CATSPERE: variants seen among roughly 807,000 people sequenced by gnomAD.
CATSPERE encodes the protein cation channel sperm-associated auxiliary subunit epsilon.
In CATSPERE, 93 loss-of-function variants were observed where a neutral mutation model predicts 114.1. The observed-to-expected ratio is 0.81, with a 90% CI of 0.69 to 0.97. The LOEUF is 0.97. CATSPERE is among the 50% of genes least tolerant of loss of function. The probability of loss-of-function intolerance (pLI) is 0.00; values close to 1 mark genes in which losing one functional copy is unlikely to be tolerated. For missense variants in CATSPERE, 1,058 were observed against 1,131.6 expected, an observed-to-expected ratio of 0.93 and a Z score of 0.93; for synonymous variants, 341 against 384.1, an observed-to-expected ratio of 0.89 and a Z score of 1.31.
intron 20 of CATSPERE, among the ~76,000 whole-genome samples, chr1:244,625,106 A>G (rs1439372714): frequency 6.6e-6 from 1 of 151,972 alleles, no homozygotes; most frequent in Non-Finnish European, 1.5e-5. Context: ...AATACTTTCC[A>G]GGTTTTCAAT....
chr1:244,551,485 G>T (rs777618508), intron 8 of CATSPERE, among the ~76,000 whole-genome samples: 1 of 152,092 alleles, frequency 6.6e-6, no homozygotes, highest in Non-Finnish European at 1.5e-5. Flanking sequence ...TAGTAGAACT[G>T]GTTCAATAGT....
At chr1:244,455,504 GTT>G (rs77959110) in intron 1 of CATSPERE, among the ~76,000 whole-genome samples, 8 of 138,954 alleles carry the variant, frequency 5.8e-5, no homozygotes, top group Non-Finnish European at 6.3e-5. Flanking sequence ...ATTTTTAAGG[GTT>G]TTTTTTTTTT....
intron 4 of CATSPERE, among the ~76,000 whole-genome samples, chr1:244,479,173 A>C (rs1572293387): frequency 6.6e-6 from 1 of 151,170 alleles, no homozygotes; most frequent in East Asian, 2.0e-4. Flanking sequence ...GGCTCACCGC[A>C]TCCTCCGCCT....
At chr1:244,451,519 G>A, upstream of CATSPERE, 1 of 1,158,638 alleles carries the variant, frequency 8.6e-7, no homozygotes, top group Non-Finnish European at 1.2e-6. This position sits in a 1 kb window ranked among gnomAD's most constrained non-coding sequence, Gnocchi z 6.6. Context: ...GAGCCTCAAG[G>A]TGACACCTCA....
At chr1:244,520,284 T>G (rs1376341612) in intron 8 of CATSPERE, among the ~76,000 whole-genome samples, 1 of 152,148 alleles carries the variant, frequency 6.6e-6, no homozygotes, top group Non-Finnish European at 1.5e-5. Flanking sequence ...CTACTTTGAG[T>G]TTATATTTGG....
chr1:244,587,747 G>A (rs1344393860), intron 13 of CATSPERE, among the ~76,000 whole-genome samples: 10 of 152,202 alleles, frequency 6.6e-5, no homozygotes, highest in African/African-American at 1.9e-4. Flanking sequence ...GCTATTTCAC[G>A]TGATGCTCAG....
chr1:244,518,533 A>T (rs956122247), intron 7 of CATSPERE, 59 bp from the exon 8 acceptor site: 2 of 1,011,858 alleles, frequency 2.0e-6, no homozygotes, highest in Non-Finnish European at 3.1e-6. Flanking sequence ...TCCTGATGTC[A>T]CATCAAAATA....
chr1:244,635,488 G>A lies in CATSPERE; in HGVS notation c.2649-1G>A. The stretch of plus-strand genomic sequence containing the variant: ...TTTCATATTATTTTTCTGCTTTGCA[G>A]TTTCTGTAACCTAACAGCTATGTTT... On this transcript the variant is annotated splice_acceptor_variant, in intron 20 of 21. Transcript: ENST00000366534. LOFTEE classifies it high-confidence loss of function. 1 of 1,610,098 alleles carries A rather than the reference G, an allele frequency of 6.2e-7. No individual in the cohort carries two copies. The highest frequency in any genetic ancestry group is 8.5e-7 in the Non-Finnish European group (1 of 1,176,550).
chr1:244,526,214 A>G (rs979548643), intron 8 of CATSPERE, among the ~76,000 whole-genome samples: 1 of 152,172 alleles, frequency 6.6e-6, no homozygotes, highest in Non-Finnish European at 1.5e-5. Flanking sequence ...TAAGACCAGC[A>G]TGGGCAATAT....
intron 15 of CATSPERE, among the ~76,000 whole-genome samples, chr1:244,592,407 A>G (rs1227926448): frequency 1.3e-5 from 2 of 152,156 alleles, no homozygotes; most frequent in African/African-American, 4.8e-5. Context: ...TTTGTAAGAT[A>G]AAGATCTTCA....
chr1:244,639,311 C>T (rs931680717), intron 21 of CATSPERE, among the ~76,000 whole-genome samples: 2 of 152,252 alleles, frequency 1.3e-5, no homozygotes, highest in African/African-American at 2.4e-5. Context: ...CACTCATACT[C>T]ATACCAAGCT....
At position 244,607,369 on chromosome 1, in the gene CATSPERE, A is replaced by G. The variant is rs190444786; in HGVS notation, c.2403+1575A>G. On this transcript the variant is annotated intron_variant, in intron 18 of 21. Coordinates refer to ENST00000366534, the MANE Select transcript of CATSPERE (RefSeq NM_001130957.2). The surrounding 1 kb of genome is among the most constrained non-coding windows in gnomAD (Gnocchi z 4.4). ...GGCTCCTGCCATTCAGTTGACATCT[A>G]TGCCATCCCTACTTACTGGTACCGT... Among the ~76,000 whole-genome samples the G allele has an allele frequency of 2.3e-4, 35 of 152,306 alleles. No homozygotes were observed. Among genetic ancestry groups the G allele is most frequent in the East Asian group, 1.5e-3 (8 of 5,186 alleles).
chr1:244,581,177 G>A (rs1015543041), intron 11 of CATSPERE, among the ~76,000 whole-genome samples: 1 of 151,892 alleles, frequency 6.6e-6, no homozygotes, highest in Admixed American at 6.6e-5. Flanking sequence ...TACATATATT[G>A]TATTTTTGTC....
rs185664706 is a variant in CATSPERE at position 244,598,542 on chromosome 1, T to C, written c.2303+4964T>C. ...GCATTTGTTCTTCTTGGTGTCTGTG[T>C]ACAAGAATCCAGCCACCTCACCTGT... On this transcript the variant is annotated intron_variant, in intron 17 of 21. Transcript: ENST00000366534. 8 of 243,622 alleles carry C rather than the reference T, an allele frequency of 3.3e-5. No individual in the cohort carries two copies. The East Asian group carries it at 9.8e-4, about 30-fold the overall frequency. 15.1% of individuals were successfully genotyped at this position (243,622 alleles called of 1,614,324 possible).
chr1:244,521,945 G>C (rs1158562269), intron 8 of CATSPERE, among the ~76,000 whole-genome samples: 1 of 152,012 alleles, frequency 6.6e-6, no homozygotes, highest in Non-Finnish European at 1.5e-5. Flanking sequence ...AAGTCAACAA[G>C]GATACCCAGG....
At chr1:244,589,038 G>C (rs925865837) in intron 14 of CATSPERE, among the ~76,000 whole-genome samples, 1 of 152,174 alleles carries the variant, frequency 6.6e-6, no homozygotes, top group African/African-American at 2.4e-5. Flanking sequence ...GAATCCCAAC[G>C]TGTGAATTTT....
intron 17 of CATSPERE, 62 bp downstream of exon 17, chr1:244,593,640 A>G: frequency 7.3e-7 from 1 of 1,366,766 alleles, no homozygotes; most frequent in East Asian, 2.3e-5. Context: ...AAGCACGAAA[A>G]CAAGACTAAT....
At chr1:244,614,725 G>GT (rs1671156963) in intron 19 of CATSPERE, among the ~76,000 whole-genome samples, 1 of 152,136 alleles carries the variant, frequency 6.6e-6, no homozygotes, top group Admixed American at 6.6e-5. Context: ...GTCAGACTGG[G>GT]TTTTTGGCTC....
intron 8 of CATSPERE, among the ~76,000 whole-genome samples, chr1:244,537,756 G>T (rs1353278584): frequency 6.6e-6 from 1 of 152,136 alleles, no homozygotes. Flanking sequence ...TTGTTAAGGT[G>T]CATTTTATGG....
Sources: allele counts gnomAD v4.1 joint callset (sites outside exome capture counted in the v4.1 genomes callset), GRCh38; gene constraint gnomAD v4.1.1; non-coding constraint Gnocchi (gnomAD v3.1); transcripts MANE v1.5; gene names NCBI Gene and HGNC (gene_info 2026-07-23, HGNC 2026-07-21).